The following SLC36A2 variants were observed in gnomAD, a reference collection of about 807,000 sequenced individuals.
SLC36A2 encodes proton-coupled amino acid transporter 2.
A neutral mutation model predicts 42.7 loss-of-function variants in SLC36A2; 39 were observed. That is an observed-to-expected ratio of 0.91 (90% confidence interval 0.71 to 1.19). The LOEUF (loss-of-function observed/expected upper bound fraction) is 1.19, where lower values mean the gene tolerates loss of function less well. Among genes scored for constraint, SLC36A2 ranks in the 50% most tolerant of loss-of-function variants. The pLI is 0.00. For synonymous variants in SLC36A2, 237 were observed against 240.8 expected (o/e 0.98, Z 0.15); for missense variants, 590 against 613.7 (o/e 0.96, Z 0.41).
At chr5:151,334,983 T>C (rs55837595) in intron 6 of SLC36A2, among the ~76,000 whole-genome samples, 4,391 of 152,236 alleles carry the variant, frequency 0.029, 217 homozygotes, top group African/African-American at 0.099. Flanking sequence ...AACTTTTAGC[T>C]GTAGTACAAG....
At chr5:151,339,855 C>T (rs116763480) in intron 4 of SLC36A2, among the ~76,000 whole-genome samples, 1 of 152,312 alleles carries the variant, frequency 6.6e-6, no homozygotes, top group Non-Finnish European at 1.5e-5. Context: ...AAATAACATA[C>T]AGTCCCTTCC....
Position 151,334,457 on chromosome 5 carries a change from A to G in SLC36A2, c.744+872T>C, listed in dbSNP as rs371893617. 3.4e-5 allele frequency among the ~76,000 whole-genome samples: 5 copies of G among 147,256 alleles called. No homozygotes were observed. In the East Asian group the frequency reaches 8.9e-4, roughly 26 times the overall value. On this transcript the variant is annotated intron_variant, in intron 6 of 9. Transcript: ENST00000335244. ...GTAATCTCAGCACTTTGGGGGGGCC[A>G]AGGCGGGGGGATCACTTGAGGTCAG... is the stretch of plus-strand genomic sequence containing the variant.
chr5:151,326,427 G>A (rs995191509), intron 7 of SLC36A2, among the ~76,000 whole-genome samples: 11 of 152,152 alleles, frequency 7.2e-5, no homozygotes, highest in African/African-American at 2.7e-4. Flanking sequence ...CAGTGGGGAG[G>A]CTGAGACTCC....
chr5:151,337,874 T>A (rs1002086177), intron 5 of SLC36A2, among the ~76,000 whole-genome samples: 5 of 152,246 alleles, frequency 3.3e-5, no homozygotes, highest in Admixed American at 6.5e-5. Flanking sequence ...TTACATTAAA[T>A]TATAACCATG....
chr5:151,344,698 TCTG>T (rs1169490164), intron 1 of SLC36A2, among the ~76,000 whole-genome samples: 1 of 152,140 alleles, frequency 6.6e-6, no homozygotes, highest in Non-Finnish European at 1.5e-5. Context: ...CACCCCTACT[TCTG>T]CTGAGCTGCC....
At position 151,347,494 on chromosome 5, in the gene SLC36A2, A is replaced by G. The variant is rs753253783; in HGVS notation, c.-34T>C. 6 of 1,611,950 alleles carry G rather than the reference A, an allele frequency of 3.7e-6. No homozygotes were observed. Among genetic ancestry groups the G allele is most frequent in the Admixed American group, 3.3e-5 (2 of 60,014 alleles). On this transcript the variant is annotated 5_prime_UTR_variant, in exon 1 of 10. Coordinates refer to ENST00000335244, the MANE Select transcript of SLC36A2 (RefSeq NM_181776.3). ...AAGAAACAAGGAGCTCGGGGTGACA[A>G]AGAGGTCTGCTCTGGAAGGAGGGAA...
chr5:151,334,606 G>A (rs568932902), intron 6 of SLC36A2, among the ~76,000 whole-genome samples: 4 of 152,196 alleles, frequency 2.6e-5, no homozygotes, highest in African/African-American at 9.6e-5. Context: ...CAGGAGAATC[G>A]CTTGAACCCG....
In SLC36A2 at chr5:151,342,922, T is replaced by A. The variant is rs778903855; in HGVS notation, c.406A>T (p.Asn136Tyr). Residue 136 changes from asparagine to tyrosine, a missense_variant, in exon 4 of 10, where the codon AAC becomes TAC. By Grantham distance (143) the Asn-to-Tyr change is moderately radical. Coordinates refer to ENST00000335244, the MANE Select transcript of SLC36A2 (RefSeq NM_181776.3). ...TVMHGLEANP[N>Y]AWLQNHAHWG... Reference sequence around the variant, plus strand: ...TGAGCGTGATTCTGGAGCCAGGCGTTGGGGTTGGCTTCTAGTCCATGCATC... The same window carrying A: ...TGAGCGTGATTCTGGAGCCAGGCGTAGGGGTTGGCTTCTAGTCCATGCATC... 1 of 1,614,056 alleles carries A rather than the reference T, an allele frequency of 6.2e-7. No individual in the cohort carries two copies.
chr5:151,338,681 G>GAAAAGAAA (rs1554098599), intron 5 of SLC36A2: 3 of 176,812 alleles, frequency 1.7e-5, no homozygotes, highest in African/African-American at 7.8e-5. Flanking sequence ...GTCTCAAAAA[G>GAAAAGAAA]AAAAAAAAAA....
intron 7 of SLC36A2, among the ~76,000 whole-genome samples, chr5:151,331,980 C>T (rs1756009069): frequency 6.6e-6 from 1 of 152,100 alleles, no homozygotes; most frequent in African/African-American, 2.4e-5. Context: ...GATTCTCCTG[C>T]CTCAGCCTTC....
chr5:151,325,151 T>G (rs1400744872), intron 8 of SLC36A2, 135 bp downstream of exon 8: 3 of 1,037,558 alleles, frequency 2.9e-6, no homozygotes, highest in Non-Finnish European at 4.3e-6. Context: ...GAGACCGTGG[T>G]TCCAATGACA....
At position 151,347,436 on chromosome 5, in the gene SLC36A2, C is replaced by G; in HGVS notation, c.25G>C (p.Gly9Arg). The G allele has an allele frequency of 1.2e-6, 2 of 1,614,104 alleles. No individual in the cohort carries two copies. The highest frequency in any genetic ancestry group is 2.2e-5 in the South Asian group (2 of 91,080). The change falls in exon 1 of 10, where the codon GGT becomes CGT. Residue 9 changes from glycine to arginine, a missense_variant. Physicochemically the swap from Gly to Arg is moderately radical, Grantham distance 125. Coordinates refer to ENST00000335244, the MANE Select transcript of SLC36A2 (RefSeq NM_181776.3). ...TTGATGGCAACGGCTCCCTGGGGAC[C>G]CTCAGTACTTTTTGTCACAGACATG... Reference protein sequence around the residue: MSVTKSTEGPQGAVAIKLD... With the variant: MSVTKSTERPQGAVAIKLD...
intron 1 of SLC36A2, among the ~76,000 whole-genome samples, chr5:151,345,045 C>T (rs1346471620): frequency 6.6e-6 from 1 of 152,146 alleles, no homozygotes; most frequent in Non-Finnish European, 1.5e-5. Flanking sequence ...TCAGACCCTT[C>T]CTTTAAGACA....
rs1246655442 is a variant in SLC36A2, at chr5:151,315,504, G to C, written c.*1313C>G. 1 of 152,308 alleles carries C rather than the reference G, an allele frequency of 6.6e-6. No homozygotes were observed. Among genetic ancestry groups the C allele is most frequent in the Non-Finnish European group, 1.5e-5 (1 of 68,128 alleles). 9.4% of individuals were successfully genotyped at this position (152,308 alleles called of 1,614,324 possible). A position where few individuals can be genotyped will look rare whatever the true frequency, so the allele number is the denominator to read the frequency against. ...TAGCCAGGCATAGTGGCAGGCACTT[G>C]TAATCCTAGCTACTTGGGAGGCTGA... On this transcript the variant is annotated 3_prime_UTR_variant, in exon 10 of 10. Coordinates refer to ENST00000335244, the MANE Select transcript of SLC36A2 (RefSeq NM_181776.3).
intron 1 of SLC36A2, among the ~76,000 whole-genome samples, chr5:151,346,587 G>T (rs180785743): frequency 3.3e-5 from 5 of 152,158 alleles, no homozygotes; most frequent in African/African-American, 1.2e-4. Flanking sequence ...TCTTCTTAAA[G>T]CAGCAGAACC....
intron 9 of SLC36A2, chr5:151,319,243 G>T (rs908004166): frequency 2.2e-6 from 1 of 455,154 alleles, no homozygotes; most frequent in Non-Finnish European, 2.9e-6. Flanking sequence ...TGTAGTGTAG[G>T]CTTAAGGGAT....
chr5:151,322,118 T>C lies in SLC36A2; in HGVS notation c.1108A>G (p.Ile370Val). Residue 370 changes from isoleucine (I) to valine (V), a missense_variant, in exon 9 of 10, where the codon ATC becomes GTC. By Grantham distance (29) the Ile-to-Val change is conservative. Transcript: ENST00000335244. ...GCCCAGCGTGTTGACACCCGGGAGA[T>C]GGCAAAGGGGATGATGATTTCTGCA... ...VPAEIIIPFA[I>V]SRVSTRWALP... 1 of 1,614,084 alleles carries C rather than the reference T, an allele frequency of 6.2e-7. No homozygotes were observed. The highest frequency in any genetic ancestry group is 8.5e-7 in the Non-Finnish European group (1 of 1,180,012).
intron 8 of SLC36A2, among the ~76,000 whole-genome samples, chr5:151,322,626 G>A (rs1755727024): frequency 6.6e-6 from 1 of 152,216 alleles, no homozygotes; most frequent in Non-Finnish European, 1.5e-5. Flanking sequence ...CTAGTCCTTT[G>A]TGATCAGTCC....
chr5:151,321,345 CT>C (rs1163117468), intron 9 of SLC36A2, among the ~76,000 whole-genome samples: 1,650 of 43,178 alleles, frequency 0.038, 34 homozygotes, highest in African/African-American at 0.092. Context: ...TCTTTTCTTT[CT>C]TTTTTTTTTT....
Sources: allele counts gnomAD v4.1 joint callset (sites outside exome capture counted in the v4.1 genomes callset), GRCh38; gene constraint gnomAD v4.1.1; transcripts MANE v1.5; gene names NCBI Gene and HGNC (gene_info 2026-07-23, HGNC 2026-07-21).